The following N4BP2 variants were observed in gnomAD, a reference collection of about 807,000 sequenced individuals.
N4BP2 encodes NEDD4-binding protein 2.
A neutral mutation model predicts 152.8 loss-of-function variants in N4BP2; 91 were observed. That is an observed-to-expected ratio of 0.60 (90% CI 0.50 to 0.71). N4BP2 has a LOEUF of 0.71. Ranked by LOEUF, N4BP2 falls within the 30% of genes least tolerant of loss-of-function variation. N4BP2 has a pLI of 0.00. For synonymous variants in N4BP2, 646 were observed against 705.3 expected (o/e 0.92, Z 1.33); for missense variants, 1,923 against 2,059.1 (o/e 0.93, Z 1.28).
intron 2 of N4BP2, among the ~76,000 whole-genome samples, chr4:40,080,560 C>T (rs1255703007): frequency 6.6e-6 from 1 of 151,984 alleles, no homozygotes; most frequent in African/African-American, 2.4e-5. Context: ...TGGTCTCGAT[C>T]TCCTGATCTA....
the N4BP2 span, among the ~76,000 whole-genome samples, chr4:40,164,066 TGGGAA>T: frequency 2.0e-5 from 3 of 152,070 alleles, no homozygotes; most frequent in Non-Finnish European, 4.4e-5. Context: ...CGGATAGGTA[TGGGAA>T]GGGTTCAGTG....
At chr4:40,069,632 G>A (rs937929827) in intron 1 of N4BP2, among the ~76,000 whole-genome samples, 2 of 152,154 alleles carry the variant, frequency 1.3e-5, no homozygotes, top group African/African-American at 4.8e-5. Flanking sequence ...TTTTGGCCAG[G>A]CACAGTTGCC....
At chr4:40,106,583 C>T (rs992339847) in intron 4 of N4BP2, among the ~76,000 whole-genome samples, 2 of 152,118 alleles carry the variant, frequency 1.3e-5, no homozygotes, top group African/African-American at 2.4e-5. Flanking sequence ...CAGTCTTGCT[C>T]TGTCTCCCAG....
At chr4:40,153,526 T>C (rs1721322153) in intron 17 of N4BP2, among the ~76,000 whole-genome samples, 1 of 152,152 alleles carries the variant, frequency 6.6e-6, no homozygotes. Context: ...TAACAGAAAA[T>C]GACAAGAAAG....
At chr4:40,189,426 C>T in the N4BP2 span, among the ~76,000 whole-genome samples, 1 of 152,112 alleles carries the variant, frequency 6.6e-6, no homozygotes, top group Admixed American at 6.6e-5. This position sits in a 1 kb window ranked among gnomAD's most constrained non-coding sequence, Gnocchi z 4.3. Flanking sequence ...AGGAATGGGG[C>T]TGAGAGATGA....
At chr4:40,160,550 A>G (rs1406327350), downstream of N4BP2, among the ~76,000 whole-genome samples, 1 of 152,208 alleles carries the variant, frequency 6.6e-6, no homozygotes, top group African/African-American at 2.4e-5. Context: ...TATGATGTTC[A>G]GTAGCTTAGG....
chr4:40,057,950 T>A (rs757575381), intron 1 of N4BP2, among the ~76,000 whole-genome samples: 2 of 152,158 alleles, frequency 1.3e-5, no homozygotes, highest in Non-Finnish European at 2.9e-5. Context: ...AATGTCTCCA[T>A]GGCACAGTTC....
chr4:40,107,089 ATTTG>A (rs1422352189), intron 5 of N4BP2, 65 bp downstream of exon 5: 11 of 1,545,822 alleles, frequency 7.1e-6, no homozygotes, highest in Admixed American at 1.8e-5. Context: ...TTCACTTAGT[ATTTG>A]TTTGTGTGTT....
chr4:40,097,245 T>G lies in N4BP2; in HGVS notation c.-96T>G. ...ATTTTAGGTCTTTTTACTGCTGGAT[T>G]GTGCAAGATATTTAACCCTATTTTG... is the stretch of plus-strand genomic sequence containing the variant. On this transcript the variant is annotated 5_prime_UTR_variant, in exon 3 of 18. The change creates a new upstream start codon in the 5' untranslated region. Coordinates refer to ENST00000261435, the MANE Select transcript of N4BP2 (RefSeq NM_018177.6). 2 of 942,922 alleles carry G rather than the reference T, an allele frequency of 2.1e-6. No individual in the cohort carries two copies. The highest frequency in any genetic ancestry group is 3.3e-6 in the Non-Finnish European group (2 of 604,074). The allele number at this position is 942,922 out of a possible 1,614,324, so 58.4% of individuals were successfully genotyped here.
At chr4:40,061,700 T>A (rs1733666550) in intron 1 of N4BP2, among the ~76,000 whole-genome samples, 1 of 151,528 alleles carries the variant, frequency 6.6e-6, no homozygotes, top group Non-Finnish European at 1.5e-5. Context: ...GTTTTGCTCT[T>A]GTTGCCCAGG....
At chr4:40,089,532 G>C (rs1490447101) in intron 2 of N4BP2, among the ~76,000 whole-genome samples, 4 of 151,074 alleles carry the variant, frequency 2.6e-5, no homozygotes, top group African/African-American at 9.8e-5. Context: ...TGCCTCCTGG[G>C]TTCAAACCAT....
the N4BP2 span, among the ~76,000 whole-genome samples, chr4:40,176,048 C>T: frequency 1.3e-5 from 2 of 149,320 alleles, no homozygotes; most frequent in African/African-American, 4.9e-5. Flanking sequence ...TGAGATCGGG[C>T]CACTGCAATC....
chr4:40,083,832 A>G (rs1713649646), intron 2 of N4BP2, among the ~76,000 whole-genome samples: 1 of 152,236 alleles, frequency 6.6e-6, no homozygotes, highest in African/African-American at 2.4e-5. Context: ...TGGTTTACAT[A>G]TTATATTTTA....
At chr4:40,181,669 G>A in the N4BP2 span, among the ~76,000 whole-genome samples, 4 of 152,146 alleles carry the variant, frequency 2.6e-5, no homozygotes, top group South Asian at 2.1e-4. Flanking sequence ...AAAGAAGTCC[G>A]GGTGCGGTGG....
chr4:40,084,631 AT>A (rs67269894), intron 2 of N4BP2, among the ~76,000 whole-genome samples: 30,308 of 128,452 alleles, frequency 0.24, 3,469 homozygotes, highest in Non-Finnish European at 0.28. Context: ...TATATATATA[AT>A]TTTTTTTTTT....
the N4BP2 span, among the ~76,000 whole-genome samples, chr4:40,190,127 C>T: frequency 1.3e-5 from 2 of 152,182 alleles, no homozygotes; most frequent in African/African-American, 4.8e-5. Flanking sequence ...ACATATTCTA[C>T]TACTAGAGTT....
the N4BP2 span, among the ~76,000 whole-genome samples, chr4:40,182,122 A>ACC: frequency 2.3e-3 from 351 of 152,342 alleles, no homozygotes; most frequent in African/African-American, 7.2e-3. Flanking sequence ...TCAGTTGAAA[A>ACC]TTATGTTCTG....
At chr4:40,078,255 A>G (rs774179577) in intron 2 of N4BP2, among the ~76,000 whole-genome samples, 1 of 151,520 alleles carries the variant, frequency 6.6e-6, no homozygotes, top group Non-Finnish European at 1.5e-5. Context: ...CTCATGCTTC[A>G]GTGTCCTGAG....
intron 1 of N4BP2, among the ~76,000 whole-genome samples, chr4:40,064,669 TAA>T (rs898110568): frequency 6.6e-6 from 1 of 152,216 alleles, no homozygotes; most frequent in Admixed American, 6.5e-5. Flanking sequence ...ACAAAGGTGC[TAA>T]GATAGATGTC....
Sources: gnomAD v4.1 joint callset for allele counts (sites outside exome capture counted in the v4.1 genomes callset) on GRCh38, gnomAD v4.1.1 for gene constraint, Gnocchi (gnomAD v3.1) non-coding constraint, MANE v1.5 for transcripts, NCBI Gene and HGNC (gene_info 2026-07-23, HGNC 2026-07-21) for gene names.